The following ZNF343 variants were observed in gnomAD, a reference collection of about 807,000 sequenced individuals.
ZNF343 encodes zinc finger protein 343.
Under a neutral mutation model 13.8 loss-of-function variants are expected in ZNF343, and 11 were observed. That is an observed-to-expected ratio of 0.80 (90% CI 0.50 to 1.32). ZNF343 has a LOEUF of 1.32. ZNF343 is among the 40% of genes most tolerant of loss of function. ZNF343 has a pLI of 0.00. For synonymous variants in ZNF343, 248 were observed against 260.0 expected, an observed-to-expected ratio of 0.95 and a Z score of 0.44; for missense variants, 658 against 714.2, an observed-to-expected ratio of 0.92 and a Z score of 0.90.
Position 2,483,569 on chromosome 20 carries a change from A to C in ZNF343, c.1392T>G (p.Pro464=), listed in dbSNP as rs1298223339. Residue 464 remains proline (P), a synonymous_variant, in exon 6 of 6, where the codon CCT becomes CCG. Transcript: ENST00000278772. The stretch of plus-strand genomic sequence containing the variant: ...CTCGGCCACACTCACCACACACATA[A>C]GGCTTCTCTCCAGAGTGCGTCCGCT... The part of the protein sequence containing the change: ...IHERTHSGEK[P]YVCGECGRGF... 6.2e-7 allele frequency: 1 copy of C among 1,608,600 alleles called. No individual in the cohort carries two copies. The highest frequency in any genetic ancestry group is 1.1e-5 in the South Asian group (1 of 90,864).
At chr20:2,484,747 A>AT (rs1434464418) in intron 5 of ZNF343, 91 bp from the exon 6 acceptor site, 4 of 1,147,948 alleles carry the variant, frequency 3.5e-6, no homozygotes, top group Non-Finnish European at 5.0e-6. Context: ...TTTTACTGCC[A>AT]TGCCTATAAT....
intron 1 of ZNF343, among the ~76,000 whole-genome samples, chr20:2,520,290 T>G (rs2085776904): frequency 6.6e-6 from 1 of 152,128 alleles, no homozygotes; most frequent in Non-Finnish European, 1.5e-5. Context: ...TAAATTTCAT[T>G]TATAATGGAT....
chr20:2,501,503 C>G (rs2085565841), intron 1 of ZNF343, among the ~76,000 whole-genome samples: 1 of 152,218 alleles, frequency 6.6e-6, no homozygotes, highest in Non-Finnish European at 1.5e-5. Context: ...TGAGAATGGA[C>G]AGACTGCCTC....
chr20:2,509,221 C>T (rs1438681091), upstream of ZNF343: 1 of 152,196 alleles, frequency 6.6e-6, no homozygotes, highest in Non-Finnish European at 1.5e-5. Flanking sequence ...GCGAATCTAG[C>T]GGGAGCAATG....
In ZNF343 at chr20:2,518,941, T is replaced by G. The variant is rs1481826607; in HGVS notation, c.-347+5514A>C. ...CACAAGATCTGATGGTTTAAAAGTG[T>G]TTGGCAGTTCCCTGCCCCCCTCTCT... On this transcript the variant is annotated intron_variant, in intron 1 of 6. Coordinates refer to the ZNF343 transcript ENST00000358413. This position sits in a 1 kb window ranked among gnomAD's most constrained non-coding sequence, Gnocchi z 4.6. Among the ~76,000 whole-genome samples, 4 of 152,184 alleles carry G rather than the reference T, an allele frequency of 2.6e-5. No homozygotes were observed. The highest frequency in any genetic ancestry group is 5.9e-5 in the Non-Finnish European group (4 of 68,040).
At chr20:2,507,532 C>T (rs2085683259) in intron 1 of ZNF343, among the ~76,000 whole-genome samples, 1 of 151,400 alleles carries the variant, frequency 6.6e-6, no homozygotes, top group East Asian at 2.0e-4. Context: ...GCAAGTTTTA[C>T]CTCCCCAAAG....
intron 2 of ZNF343, among the ~76,000 whole-genome samples, chr20:2,499,996 G>T (rs2085532832): frequency 6.6e-6 from 1 of 152,010 alleles, no homozygotes; most frequent in African/African-American, 2.4e-5. Context: ...TAATATTATG[G>T]TTACATTTTT....
upstream of ZNF343, among the ~76,000 whole-genome samples, chr20:2,513,834 C>A (rs1161842138): frequency 6.6e-6 from 1 of 152,096 alleles, no homozygotes; most frequent in Non-Finnish European, 1.5e-5. Flanking sequence ...CATGGATGAA[C>A]CTTGAAAACA....
chr20:2,484,039 G>C lies in ZNF343; in HGVS notation c.922C>G (p.Gln308Glu), dbSNP rs777222955. The C allele has an allele frequency of 2.5e-6, 4 of 1,613,820 alleles. No individual in the cohort carries two copies. In the Admixed American group the frequency reaches 6.7e-5, roughly 27 times the overall value. The change falls in exon 6 of 6, where the codon CAG becomes GAG. Residue 308 changes from glutamine to glutamate, a missense_variant. Physicochemically the swap from Gln to Glu is conservative, Grantham distance 29. Coordinates refer to ENST00000278772, the MANE Select transcript of ZNF343 (RefSeq NM_024325.6). ...VCSECGRGFSQKSNLSRHQRT... is the reference protein window; with the variant it reads ...VCSECGRGFSEKSNLSRHQRT... ...TGGTGTCTGCTGAGGTTGGACTTCT[G>C]GCTAAAACCTCGCCCGCACTCACTG...
At chr20:2,484,701 G>A in intron 5 of ZNF343, 45 bp from the exon 6 acceptor site, 9 of 1,522,226 alleles carry the variant, frequency 5.9e-6, no homozygotes, top group Non-Finnish European at 6.2e-6. Context: ...AAGTAGGGCT[G>A]CTGAGTTGTT....
chr20:2,511,989 T>G (rs2085741170), upstream of ZNF343, among the ~76,000 whole-genome samples: 1 of 152,240 alleles, frequency 6.6e-6, no homozygotes, highest in Non-Finnish European at 1.5e-5. Context: ...TATTCACAGA[T>G]GATGTGATCT....
Position 2,522,312 on chromosome 20 carries a change from C to A in ZNF343, c.-347+2143G>T, listed in dbSNP as rs141229578. Reference sequence around the variant, plus strand: ...CTAACTCATTTTATTTAGTTTCTCACCATTAGAAGTTTCCTTAGAGGGGAA... The same window carrying A: ...CTAACTCATTTTATTTAGTTTCTCAACATTAGAAGTTTCCTTAGAGGGGAA... On this transcript the variant is annotated intron_variant, in intron 1 of 6. Transcript: ENST00000358413. Among the ~76,000 whole-genome samples, 452 of 152,320 alleles carry A rather than the reference C, an allele frequency of 3.0e-3. 1 individual carries two copies. The highest frequency in any genetic ancestry group is 0.01 in the African/African-American group (434 of 41,572).
intron 2 of ZNF343, among the ~76,000 whole-genome samples, chr20:2,499,716 A>C (rs896391707): frequency 2.0e-5 from 3 of 152,188 alleles, no homozygotes; most frequent in Admixed American, 2.0e-4. Context: ...AGGAAGAACA[A>C]GGAGGCAAGA....
At chr20:2,505,702 T>C (rs1257774882) in intron 1 of ZNF343, among the ~76,000 whole-genome samples, 1 of 152,224 alleles carries the variant, frequency 6.6e-6, no homozygotes, top group Non-Finnish European at 1.5e-5. Context: ...AAGGATTCCC[T>C]ATTTAATAAA....
At chr20:2,512,275 T>C (rs920759717), upstream of ZNF343, among the ~76,000 whole-genome samples, 1 of 152,240 alleles carries the variant, frequency 6.6e-6, no homozygotes, top group African/African-American at 2.4e-5. Flanking sequence ...AATGCTATCC[T>C]TGTCAAAATT....
chr20:2,513,882 A>G (rs931825918), upstream of ZNF343, among the ~76,000 whole-genome samples: 1 of 152,232 alleles, frequency 6.6e-6, no homozygotes, highest in African/African-American at 2.4e-5. Context: ...AAAAGACCAT[A>G]CACTGTATCA....
chr20:2,522,221 A>T (rs2085785662), intron 1 of ZNF343, among the ~76,000 whole-genome samples: 1 of 152,236 alleles, frequency 6.6e-6, no homozygotes, highest in Non-Finnish European at 1.5e-5. Context: ...ATGGAGTCTA[A>T]TTCCACATAA....
In ZNF343 at chr20:2,518,371, G is replaced by A. The variant is rs1188531956; in HGVS notation, c.-347+6084C>T. On this transcript the variant is annotated intron_variant, in intron 1 of 6. Transcript: ENST00000358413. The surrounding 1 kb of genome is among the most constrained non-coding windows in gnomAD (Gnocchi z 4.6). ...ATAATGAATCAAAAGCAGTATTCGT[G>A]TAAATGAGCTCATTGTCACATTGCT... is the stretch of plus-strand genomic sequence containing the variant. Among the ~76,000 whole-genome samples the A allele has an allele frequency of 6.6e-6, 1 of 152,172 alleles. No homozygotes were observed. The highest frequency in any genetic ancestry group is 1.5e-5 in the Non-Finnish European group (1 of 68,044).
intron 2 of ZNF343, among the ~76,000 whole-genome samples, chr20:2,498,578 C>T (rs903068513): frequency 6.6e-6 from 1 of 152,164 alleles, no homozygotes; most frequent in Non-Finnish European, 1.5e-5. Context: ...AGGGACAAGA[C>T]TGAAAAGGTG....
Sources: gnomAD v4.1 joint callset for allele counts (sites outside exome capture counted in the v4.1 genomes callset) on GRCh38, gnomAD v4.1.1 for gene constraint, Gnocchi (gnomAD v3.1) non-coding constraint, MANE v1.5 for transcripts, NCBI Gene and HGNC (gene_info 2026-07-23, HGNC 2026-07-21) for gene names.